PRKAG2: variants seen among roughly 807,000 people sequenced by gnomAD.
PRKAG2 encodes 5'-AMP-activated protein kinase subunit gamma-2.
A neutral mutation model predicts 69.6 loss-of-function variants in PRKAG2; 26 were observed. That is an observed-to-expected ratio of 0.37 (90% confidence interval 0.27 to 0.52). PRKAG2 has a LOEUF of 0.52. Among genes scored for constraint, PRKAG2 ranks in the 20% least tolerant of loss-of-function variants. The pLI, the probability that PRKAG2 is intolerant of heterozygous loss-of-function variation, is 0.90. For missense variants in PRKAG2, 557 were observed against 740.0 expected (o/e 0.75, Z 2.87); for synonymous variants, 293 against 285.0 (o/e 1.03, Z -0.28).
chr7:151,691,196 A>G (rs1021699448), intron 3 of PRKAG2, among the ~76,000 whole-genome samples: 2 of 152,200 alleles, frequency 1.3e-5, no homozygotes, highest in African/African-American at 4.8e-5. Context: ...CCTCCTGTAT[A>G]CTTTAAATTA....
At chr7:151,832,247 GGAAGGGAGGAGGGAA>G (rs1423810467) in intron 1 of PRKAG2, among the ~76,000 whole-genome samples, 1 of 24,204 alleles carries the variant, frequency 4.1e-5, no homozygotes, top group African/African-American at 1.1e-4. Flanking sequence ...GAGGAGGGAA[GGAAGGGAGGAGGGAA>G]GGAAGGGAGG....
chr7:151,681,348 C>T (rs1318857938), intron 3 of PRKAG2, among the ~76,000 whole-genome samples: 1 of 152,154 alleles, frequency 6.6e-6, no homozygotes, highest in Non-Finnish European at 1.5e-5. Context: ...CCTGTTCCTT[C>T]CAGAGCTGGT....
intron 1 of PRKAG2, among the ~76,000 whole-genome samples, chr7:151,867,256 G>A (rs1284725006): frequency 6.6e-6 from 1 of 152,300 alleles, no homozygotes; most frequent in Middle Eastern, 3.4e-3. Flanking sequence ...GTTGGATTAG[G>A]TTCCTGGGCT....
In PRKAG2 at chr7:151,777,254, C is replaced by G. The variant is rs2076415824; in HGVS notation, c.466+3898G>C. Among the ~76,000 whole-genome samples the G allele has an allele frequency of 1.3e-5, 2 of 152,234 alleles. No homozygotes were observed. Among genetic ancestry groups the G allele is most frequent in the South Asian group, 4.1e-4 (2 of 4,836 alleles). On this transcript the variant is annotated intron_variant, in intron 3 of 15. Transcript: ENST00000287878. The surrounding 1 kb of genome is among the most constrained non-coding windows in gnomAD (Gnocchi z 4.3). ...GACACCAGCAGAGTCATCCCCAGGC[C>G]TGTGCCTGCGTTCCCTCACTGTGAG...
intron 3 of PRKAG2, among the ~76,000 whole-genome samples, chr7:151,708,674 G>A (rs1839029138): frequency 6.6e-6 from 1 of 152,214 alleles, no homozygotes; most frequent in East Asian, 1.9e-4. Context: ...GCCATGTAAT[G>A]TGGGCAGTGA....
intron 3 of PRKAG2, among the ~76,000 whole-genome samples, chr7:151,746,755 C>T (rs530513494): frequency 1.9e-4 from 29 of 152,298 alleles, no homozygotes; most frequent in South Asian, 4.1e-4. Flanking sequence ...AGGCTGTGGC[C>T]GGAGCCTGGG....
intron 4 of PRKAG2, among the ~76,000 whole-genome samples, chr7:151,642,360 A>G (rs1485145663): frequency 1.3e-5 from 2 of 151,846 alleles, no homozygotes; most frequent in Admixed American, 1.3e-4. Context: ...CAAACAACAA[A>G]CAAACAAAAC....
intron 3 of PRKAG2, among the ~76,000 whole-genome samples, chr7:151,744,311 C>T: frequency 6.6e-6 from 1 of 152,342 alleles, no homozygotes; most frequent in Non-Finnish European, 1.5e-5. Flanking sequence ...TAACGTGGTG[C>T]TGGTCCAGGC....
At chr7:151,867,971 A>AC (rs2080119520) in intron 1 of PRKAG2, among the ~76,000 whole-genome samples, 1 of 151,860 alleles carries the variant, frequency 6.6e-6, no homozygotes, top group Admixed American at 6.6e-5. Flanking sequence ...GCTGCAGGGC[A>AC]CCCCCCTCCA....
intron 1 of PRKAG2, among the ~76,000 whole-genome samples, chr7:151,805,134 C>T (rs904806460): frequency 1.3e-5 from 2 of 152,200 alleles, no homozygotes; most frequent in African/African-American, 4.8e-5. Context: ...AACAGAAATG[C>T]AGCAGAAACC....
chr7:151,625,217 G>C (rs1822553720), intron 5 of PRKAG2, among the ~76,000 whole-genome samples: 1 of 152,176 alleles, frequency 6.6e-6, no homozygotes, highest in African/African-American at 2.4e-5. Context: ...CTGAGGAAGC[G>C]ACATCTAACC....
At position 151,565,668 on chromosome 7, in the gene PRKAG2, T is replaced by C. The variant is rs1806078577; in HGVS notation, c.1399+52A>G. On this transcript the variant is annotated intron_variant, in intron 12 of 15. Transcript: ENST00000287878. ...CTGTGCCAGGTCATCTTACAATAAT[T>C]GCACCCTGAGATAAACAATTATTTC... 7 of 1,574,072 alleles carry C rather than the reference T, an allele frequency of 4.4e-6. No individual in the cohort carries two copies. The South Asian group carries it at 7.8e-5, about 18-fold the overall frequency.
chr7:151,832,213 GAGGAGGGGAGGAGGGA>G (rs1355945719), intron 1 of PRKAG2, among the ~76,000 whole-genome samples: 2 of 118,324 alleles, frequency 1.7e-5, no homozygotes, highest in African/African-American at 6.3e-5. Context: ...GAGGGAGGAA[GAGGAGGGGAGGAGGGA>G]AGGAGAGGAG....
At chr7:151,617,785 C>T (rs936838112) in intron 5 of PRKAG2, among the ~76,000 whole-genome samples, 6 of 151,780 alleles carry the variant, frequency 4.0e-5, no homozygotes, top group African/African-American at 7.3e-5. Flanking sequence ...CTCCCCAAAC[C>T]GAAAAAAACC....
At chr7:151,869,830 T>C (rs1235342659) in intron 1 of PRKAG2, among the ~76,000 whole-genome samples, 1 of 152,196 alleles carries the variant, frequency 6.6e-6, no homozygotes, top group East Asian at 1.9e-4. Context: ...CAGGCCAGTC[T>C]GAGGACCCCA....
chr7:151,695,040 T>C (rs1023183182), intron 3 of PRKAG2, among the ~76,000 whole-genome samples: 6 of 152,356 alleles, frequency 3.9e-5, no homozygotes, highest in African/African-American at 1.4e-4. Flanking sequence ...CAGACATTCC[T>C]GCCTTCCTGC....
intron 1 of PRKAG2, among the ~76,000 whole-genome samples, chr7:151,838,755 C>G (rs939656794): frequency 6.6e-6 from 1 of 151,244 alleles, no homozygotes; most frequent in Non-Finnish European, 1.5e-5. Context: ...TGGCTCACAC[C>G]GGTAATCCCA....
In PRKAG2 at chr7:151,567,491, C is replaced by T. The variant is rs1806523489; in HGVS notation, c.1233+1225G>A. On this transcript the variant is annotated intron_variant, in intron 11 of 15. Coordinates refer to ENST00000287878, the MANE Select transcript of PRKAG2 (RefSeq NM_016203.4). This position sits in a 1 kb window ranked among gnomAD's most constrained non-coding sequence, Gnocchi z 4.2. ...TCTAAGGATTAAGTGAGCTGCAGGC[C>T]TGGCACGTGGGGGCCCTGAATACAT... 6.6e-6 allele frequency among the ~76,000 whole-genome samples: 1 copy of T among 152,124 alleles called. No homozygotes were observed. The highest frequency in any genetic ancestry group is 2.4e-5 in the African/African-American group (1 of 41,404).
chr7:151,866,031 A>G (rs575844313), intron 1 of PRKAG2, among the ~76,000 whole-genome samples: 52 of 152,070 alleles, frequency 3.4e-4, no homozygotes, highest in African/African-American at 1.1e-3. Context: ...AAAAAAAAAA[A>G]AAAAGAAAAA....
Sources: gnomAD v4.1 joint callset for allele counts (sites outside exome capture counted in the v4.1 genomes callset) on GRCh38, gnomAD v4.1.1 for gene constraint, Gnocchi (gnomAD v3.1) non-coding constraint, MANE v1.5 for transcripts, NCBI Gene and HGNC (gene_info 2026-07-23, HGNC 2026-07-21) for gene names.